FER1L6: variants seen among roughly 807,000 people sequenced by gnomAD.
FER1L6 encodes the protein fer-1-like protein 6.
In FER1L6, 177 loss-of-function variants were observed where a neutral mutation model predicts 219.2. That is an observed-to-expected ratio of 0.81 (90% CI 0.71 to 0.91). FER1L6 has a LOEUF of 0.91. Ranked by LOEUF, FER1L6 falls within the 40% of genes least tolerant of loss-of-function variation. The pLI, the probability that FER1L6 is intolerant of heterozygous loss-of-function variation, is 0.00. For missense variants in FER1L6, 2,153 were observed against 2,259.9 expected, an observed-to-expected ratio of 0.95 and a Z score of 0.96; for synonymous variants, 768 against 824.3, an observed-to-expected ratio of 0.93 and a Z score of 1.17.
intron 1 of FER1L6, among the ~76,000 whole-genome samples, chr8:123,908,100 A>G (rs374696695): frequency 1.3e-4 from 20 of 152,322 alleles, no homozygotes; most frequent in African/African-American, 4.6e-4. Flanking sequence ...ATGGATGTTA[A>G]AAAACATTAA....
At chr8:124,060,796 C>A in intron 24 of FER1L6, 87 bp downstream of exon 24, 3 of 1,364,522 alleles carry the variant, frequency 2.2e-6, no homozygotes, top group East Asian at 2.4e-5. Context: ...CCACTAGCTG[C>A]GAGAAAGAAT....
At chr8:123,862,356 T>C (rs1372345530) in intron 1 of FER1L6, among the ~76,000 whole-genome samples, 1 of 126,512 alleles carries the variant, frequency 7.9e-6, no homozygotes, top group African/African-American at 3.4e-5. Flanking sequence ...ATAAGCTTTT[T>C]GATGTGCTGC....
Position 123,966,437 on chromosome 8 carries a change from C to A in FER1L6, c.384+147C>A. The stretch of plus-strand genomic sequence containing the variant: ...GCCCATGGCAAACTGATTCTTCTTA[C>A]AAACACAGCCCCCTAAAGCTTTTCA... On this transcript the variant is annotated intron_variant, in intron 5 of 40. Coordinates refer to ENST00000522917, the MANE Select transcript of FER1L6 (RefSeq NM_001039112.2). The A allele has an allele frequency of 5.1e-6, 5 of 988,406 alleles. No homozygotes were observed. In the Middle Eastern group the frequency reaches 9.2e-4, roughly 182 times the overall value. The allele number at this position is 988,406 out of a possible 1,614,324, so 61.2% of individuals were successfully genotyped here. A position where few individuals can be genotyped will look rare whatever the true frequency, so the allele number is the denominator to read the frequency against.
In FER1L6 at chr8:124,066,508, C is replaced by T. The variant is rs1287597352; in HGVS notation, c.3636C>T (p.Asp1212=). 1 of 1,614,096 alleles carries T rather than the reference C, an allele frequency of 6.2e-7. No homozygotes were observed. Among genetic ancestry groups the T allele is most frequent in the East Asian group, 2.2e-5 (1 of 44,876 alleles). The change falls in exon 27 of 41, where the codon GAC becomes GAT. Residue 1212 remains aspartate (D), a synonymous_variant. Coordinates refer to ENST00000522917, the MANE Select transcript of FER1L6 (RefSeq NM_001039112.2). ...ATGAATCTGCTGAAAACGTGATTGA[C>T]TGGTGGTCTAAGTATTATGCCTCCC... The part of the protein sequence containing the change: ...IADESAENVI[D]WWSKYYASLK...
chr8:124,057,244 C>T (rs569158241), intron 22 of FER1L6, among the ~76,000 whole-genome samples: 2 of 152,126 alleles, frequency 1.3e-5, no homozygotes, highest in African/African-American at 4.8e-5. Flanking sequence ...GTTTTGTTTG[C>T]CTGGGTTGGA....
chr8:124,003,424 C>A, intron 13 of FER1L6, 77 bp downstream of exon 13: 4 of 408,232 alleles, frequency 9.8e-6, no homozygotes, highest in Non-Finnish European at 1.7e-5. Flanking sequence ...CTGTTTTCTT[C>A]AGTTCTTCAC....
chr8:124,012,810 G>A (rs966595827), intron 14 of FER1L6, among the ~76,000 whole-genome samples: 1 of 152,204 alleles, frequency 6.6e-6, no homozygotes, highest in Non-Finnish European at 1.5e-5. Context: ...GTAAATTCTA[G>A]CAAAGGAGTA....
intron 1 of FER1L6, among the ~76,000 whole-genome samples, chr8:123,935,906 GGA>G (rs1054498968): frequency 1.4e-5 from 2 of 146,708 alleles, no homozygotes; most frequent in African/African-American, 5.4e-5. Flanking sequence ...GAAGGAAAAT[GGA>G]GAAAGTGATG....
chr8:124,097,956 G>A (rs1822381211), intron 37 of FER1L6, 73 bp downstream of exon 37: 1 of 807,796 alleles, frequency 1.2e-6, no homozygotes. Context: ...CTAAATCTAT[G>A]CCTCATGGAG....
rs764905437 is a variant in FER1L6 at position 124,118,830 on chromosome 8, G to T, written c.5290-14G>T. On this transcript the variant is annotated splice_polypyrimidine_tract_variant and intron_variant, in intron 39 of 40. Coordinates refer to ENST00000522917, the MANE Select transcript of FER1L6 (RefSeq NM_001039112.2). Reference sequence around the variant, plus strand: ...TTTGTGACTGGAAACAAAAGGTTTTGCATCTTTTTGCAGGGCAAGGTTGAA... The same window carrying T: ...TTTGTGACTGGAAACAAAAGGTTTTTCATCTTTTTGCAGGGCAAGGTTGAA... 2.5e-6 allele frequency: 4 copies of T among 1,612,368 alleles called. No individual in the cohort carries two copies. The highest frequency in any genetic ancestry group is 1.7e-4 in the Middle Eastern group (1 of 6,050).
At chr8:124,088,013 C>A (rs1821855625) in intron 33 of FER1L6, among the ~76,000 whole-genome samples, 1 of 152,200 alleles carries the variant, frequency 6.6e-6, no homozygotes, top group Non-Finnish European at 1.5e-5. Flanking sequence ...AAACACAGCA[C>A]TAGGTCTTGC....
chr8:124,101,495 G>T (rs1822547899), intron 38 of FER1L6, among the ~76,000 whole-genome samples, 157 bp downstream of exon 38: 1 of 152,164 alleles, frequency 6.6e-6, no homozygotes, highest in South Asian at 2.1e-4. Flanking sequence ...ATAGGGAATG[G>T]TTAAATGAGT....
chr8:124,058,503 T>C (rs1232222434), intron 22 of FER1L6, among the ~76,000 whole-genome samples: 1 of 152,234 alleles, frequency 6.6e-6, no homozygotes, highest in Non-Finnish European at 1.5e-5. Flanking sequence ...AGCTTAATCT[T>C]GCTGGTAGCA....
intron 1 of FER1L6, among the ~76,000 whole-genome samples, chr8:123,882,739 T>C (rs976952457): frequency 6.6e-6 from 1 of 152,208 alleles, no homozygotes; most frequent in African/African-American, 2.4e-5. Context: ...AAAAGAACGT[T>C]ATGAATAGAG....
intron 12 of FER1L6, among the ~76,000 whole-genome samples, chr8:123,992,448 C>T (rs1302503976): frequency 3.3e-5 from 5 of 151,964 alleles, no homozygotes; most frequent in Non-Finnish European, 5.9e-5. Flanking sequence ...TGTATATTTC[C>T]AGGAATTTAT....
intron 1 of FER1L6, among the ~76,000 whole-genome samples, chr8:123,861,105 AT>A (rs1222270130): frequency 4.1e-5 from 4 of 97,564 alleles, no homozygotes; most frequent in Non-Finnish European, 8.0e-5. Context: ...TAGGGTTTTT[AT>A]GGTTTTAGGT....
rs573473661 is a variant in FER1L6, at chr8:123,873,457, A to G, written c.-8+21272A>G. On this transcript the variant is annotated intron_variant, in intron 1 of 40. Transcript: ENST00000522917. ...TGTTTCTCCTGTAGCCTCATCAGTG[A>G]TAGCCTTTTATTCCACTTAACATCT... 2.2e-4 allele frequency among the ~76,000 whole-genome samples: 34 copies of G among 152,278 alleles called. 1 individual carries two copies. In the South Asian group the frequency reaches 6.9e-3, roughly 31 times the overall value.
chr8:123,998,842 C>T (rs568150678), intron 12 of FER1L6, among the ~76,000 whole-genome samples: 19 of 152,294 alleles, frequency 1.2e-4, no homozygotes, highest in South Asian at 2.1e-4. Flanking sequence ...TGACCACTGC[C>T]GCCCTAGCCC....
chr8:124,050,335 A>T (rs1038813398), intron 22 of FER1L6, among the ~76,000 whole-genome samples: 17 of 152,288 alleles, frequency 1.1e-4, no homozygotes, highest in African/African-American at 4.1e-4. Flanking sequence ...CCTTCCCACT[A>T]AGACCAAGGG....
Sources: allele counts gnomAD v4.1 joint callset (sites outside exome capture counted in the v4.1 genomes callset), GRCh38; gene constraint gnomAD v4.1.1; transcripts MANE v1.5; gene names NCBI Gene and HGNC (gene_info 2026-07-23, HGNC 2026-07-21).